The following RIPK3 variants were observed in gnomAD, a reference collection of about 807,000 sequenced individuals.
The protein encoded by RIPK3 is receptor-interacting serine/threonine-protein kinase 3.
Under a neutral mutation model 51.6 loss-of-function variants are expected in RIPK3, and 51 were observed. The observed-to-expected ratio is 0.99, with a 90% confidence interval of 0.79 to 1.25. The LOEUF (loss-of-function observed/expected upper bound fraction) is 1.25. Among genes scored for constraint, RIPK3 ranks in the 50% most tolerant of loss-of-function variants. The pLI is 0.00. For missense variants in RIPK3, 654 were observed against 650.4 expected (o/e 1.01, Z -0.06); for synonymous variants, 246 against 257.7 (o/e 0.95, Z 0.44).
chr14:24,339,114 C>G lies in RIPK3; in HGVS notation c.372G>C (p.Val124=). The G allele has an allele frequency of 1.2e-6, 2 of 1,614,176 alleles. No homozygotes were observed. Among genetic ancestry groups the G allele is most frequent in the East Asian group, 4.5e-5 (2 of 44,872 alleles). ...WPLLCRLLKE[V]VLGMFYLHDQ... ...CGTGCAGGTAAAACATCCCAAGCACCACTTCTTTCAGCAGGCGGCAAAGGA... is the reference window on the plus strand; with the variant it reads ...CGTGCAGGTAAAACATCCCAAGCACGACTTCTTTCAGCAGGCGGCAAAGGA... The change falls in exon 3 of 10, where the codon GTG becomes GTC. Residue 124 remains valine (V), a synonymous_variant. Coordinates refer to ENST00000216274, the MANE Select transcript of RIPK3 (RefSeq NM_006871.4). The surrounding 1 kb of genome is among the most constrained non-coding windows in gnomAD (Gnocchi z 4.0).
chr14:24,336,775 T>G (rs781771064), intron 9 of RIPK3, 110 bp downstream of exon 9: 1 of 1,029,580 alleles, frequency 9.7e-7, no homozygotes, highest in Admixed American at 1.7e-5. Flanking sequence ...TTGAGTTAGA[T>G]CATCTTCTCC....
intron 9 of RIPK3, 58 bp downstream of exon 9, chr14:24,336,827 G>T: frequency 7.0e-7 from 1 of 1,423,492 alleles, no homozygotes. Context: ...TATAGGTCTG[G>T]AGGAGGAGTC....
chr14:24,338,857 A>T, intron 3 of RIPK3, 158 bp downstream of exon 3: 1 of 697,048 alleles, frequency 1.4e-6, no homozygotes, highest in South Asian at 1.9e-5. Flanking sequence ...AGGAGCTAAA[A>T]CTCCTGGCTG....
Position 24,339,021 on chromosome 14 carries a change from G to A in RIPK3, c.465C>T (p.His155=), listed in dbSNP as rs2042162601. The part of the protein sequence containing the change: ...PSNVLLDPEL[H]VKLADFGLST... ...GGGGTGTAGACCAGCTGACCTTGAC[G>A]TGCAGCTCTGGGTCCAGCAGGACGT... Residue 155 remains histidine (H), a synonymous_variant, in exon 3 of 10, where the codon CAC becomes CAT. Coordinates refer to ENST00000216274, the MANE Select transcript of RIPK3 (RefSeq NM_006871.4). This position sits in a 1 kb window ranked among gnomAD's most constrained non-coding sequence, Gnocchi z 4.0. 2 of 1,613,632 alleles carry A rather than the reference G, an allele frequency of 1.2e-6. No homozygotes were observed. The highest frequency in any genetic ancestry group is 1.3e-5 in the African/African-American group (1 of 75,056).
At chr14:24,338,896 A>G (rs533365475) in intron 3 of RIPK3, 119 bp downstream of exon 3, 11 of 846,448 alleles carry the variant, frequency 1.3e-5, no homozygotes, top group African/African-American at 1.2e-4. Context: ...CCCTGTGTCC[A>G]GAGAGAGAGG....
chr14:24,338,643 A>C, intron 3 of RIPK3, 76 bp from the exon 4 acceptor site: 1 of 1,525,360 alleles, frequency 6.6e-7, no homozygotes, highest in Non-Finnish European at 8.8e-7. Context: ...CCCTGCCCCC[A>C]GAAGGTGCAG....
At position 24,338,530 on chromosome 14, in the gene RIPK3, G is replaced by A. The variant is rs2042158615; in HGVS notation, c.509C>T (p.Ser170Leu). The part of the protein sequence containing the change: ...DFGLSTFQGG[S>L]QSGTGSGEPG... ...CTCCCCGGACCCTGTCCCTGACTGT[G>A]AGCCTCCCTGAAATGTGGACAGGCC... is the stretch of plus-strand genomic sequence containing the variant. Residue 170 changes from serine (S) to leucine (L), a missense_variant, in exon 4 of 10, where the codon TCA becomes TTA. Ser to Leu is a moderately radical substitution (Grantham distance 145). Coordinates refer to ENST00000216274, the MANE Select transcript of RIPK3 (RefSeq NM_006871.4). The A allele has an allele frequency of 8.1e-6, 13 of 1,611,296 alleles. No individual in the cohort carries two copies. The highest frequency in any genetic ancestry group is 1.1e-5 in the South Asian group (1 of 91,028).
chr14:24,336,720 C>T (rs968102981), intron 9 of RIPK3, 165 bp downstream of exon 9: 11 of 770,964 alleles, frequency 1.4e-5, no homozygotes, highest in Non-Finnish European at 2.2e-5. Context: ...TCAGAGGGCT[C>T]CTTTCTCAGG....
Position 24,338,416 on chromosome 14 carries a change from C to A in RIPK3, c.617+6G>T, listed in dbSNP as rs2042157274. On this transcript the variant is annotated splice_donor_region_variant and intron_variant, in intron 4 of 9. Coordinates refer to ENST00000216274, the MANE Select transcript of RIPK3 (RefSeq NM_006871.4). The stretch of plus-strand genomic sequence containing the variant: ...CCTGGCTGTGTGTTTGGGCCGGGAT[C>A]CTTACCTGTAGACGTCACTGGCTGT... The A allele has an allele frequency of 2.5e-6, 4 of 1,608,790 alleles. No individual in the cohort carries two copies. Among genetic ancestry groups the A allele is most frequent in the African/African-American group, 2.7e-5 (2 of 74,818 alleles).
At chr14:24,338,604 C>A (rs755631900) in intron 3 of RIPK3, 37 bp from the exon 4 acceptor site, 1 of 1,574,030 alleles carries the variant, frequency 6.4e-7, no homozygotes, top group Non-Finnish European at 8.7e-7. Context: ...GTAGGGAAGA[C>A]AAGGGGGCCA....
chr14:24,338,135 G>C (rs908274636), intron 5 of RIPK3, 95 bp from the exon 6 acceptor site: 1 of 1,589,870 alleles, frequency 6.3e-7, no homozygotes, highest in African/African-American at 1.3e-5. Flanking sequence ...GTAATGTGGG[G>C]GCACGAGGAG....
At chr14:24,336,453 G>T (rs2042135899) in intron 9 of RIPK3, 58 bp from the exon 10 acceptor site, 1 of 1,578,086 alleles carries the variant, frequency 6.3e-7, no homozygotes, top group East Asian at 2.2e-5. Flanking sequence ...GGCCAAGTTG[G>T]GGGTGGGTGG....
rs781571121 is a variant in RIPK3, at chr14:24,337,686, G to T, written c.900+9C>A. The T allele has an allele frequency of 3.1e-6, 5 of 1,600,796 alleles. No homozygotes were observed. Among genetic ancestry groups the T allele is most frequent in the Non-Finnish European group, 3.4e-6 (4 of 1,168,232 alleles). On this transcript the variant is annotated intron_variant, in intron 7 of 9. Coordinates refer to ENST00000216274, the MANE Select transcript of RIPK3 (RefSeq NM_006871.4). ...CCAGCTCCTGGGGAGGGGTGATGTT[G>T]GCACTCACCGTGGAGACAGCAGCAT...
rs754629356 is a variant in RIPK3, at chr14:24,338,507, C to G, written c.532G>C (p.Glu178Gln). The G allele has an allele frequency of 4.3e-6, 7 of 1,613,590 alleles. No homozygotes were observed. In the South Asian group the frequency reaches 5.5e-5, roughly 13 times the overall value. The change falls in exon 4 of 10, where the codon GAG (glutamate) becomes CAG (glutamine). Residue 178 changes from glutamate (E) to glutamine (Q), a missense_variant. Coordinates refer to ENST00000216274, the MANE Select transcript of RIPK3 (RefSeq NM_006871.4). Reference protein sequence around the residue: ...GGSQSGTGSGEPGGTLGYLAP... With the variant: ...GGSQSGTGSGQPGGTLGYLAP... The stretch of plus-strand genomic sequence containing the variant: ...AAGTAGCCCAGGGTGCCCCCTGGCT[C>G]CCCGGACCCTGTCCCTGACTGTGAG...
chr14:24,338,207 G>T (rs1295492065), intron 5 of RIPK3, 42 bp downstream of exon 5: 2 of 1,532,348 alleles, frequency 1.3e-6, no homozygotes, highest in South Asian at 2.6e-5. Flanking sequence ...CAAGAGAAGG[G>T]CACCTGGGGT....
chr14:24,339,668 C>T lies in RIPK3; in HGVS notation c.21-71G>A, dbSNP rs1051088392. On this transcript the variant is annotated intron_variant, in intron 1 of 9. Coordinates refer to ENST00000216274, the MANE Select transcript of RIPK3 (RefSeq NM_006871.4). This position sits in a 1 kb window ranked among gnomAD's most constrained non-coding sequence, Gnocchi z 4.0. ...CGCTGCTCCCCGCGCCCCTGTGACT[C>T]GGCGTTCTCACTGCAATCCCCAGCC... The T allele has an allele frequency of 4.1e-5, 65 of 1,603,318 alleles. No homozygotes were observed. The highest frequency in any genetic ancestry group is 6.7e-5 in the African/African-American group (5 of 74,756).
rs201484127 is a variant in RIPK3 at position 24,336,208 on chromosome 14, C to T, written c.1524G>A (p.Arg508=). The T allele has an allele frequency of 1.2e-6, 2 of 1,613,982 alleles. No individual in the cohort carries two copies. The highest frequency in any genetic ancestry group is 8.5e-7 in the Non-Finnish European group (1 of 1,179,982). Residue 508 remains arginine (R), a synonymous_variant, in exon 10 of 10, where the codon AGG becomes AGA. Coordinates refer to ENST00000216274, the MANE Select transcript of RIPK3 (RefSeq NM_006871.4). ...CGCTATGATTATACCAACCCTGTGG[C>T]CTGCTCCAGGCTTCAGGATCTTTAG... ...EGPKDPEAWS[R]PQGWYNHSGK
rs996941995 is a variant in RIPK3 at position 24,338,047 on chromosome 14, T to C, written c.665-7A>G. On this transcript the variant is annotated splice_region_variant and splice_polypyrimidine_tract_variant and intron_variant, in intron 5 of 9. Transcript: ENST00000216274. ...AGTGATGGTTCGGTTGGCACTGGAG[T>C]AGGGGAGGAGGGTGAGAAGAGAAGG... 1.3e-5 allele frequency: 21 copies of C among 1,613,524 alleles called. No homozygotes were observed. Among genetic ancestry groups the C allele is most frequent in the Non-Finnish European group, 1.8e-5 (21 of 1,179,908 alleles).
Position 24,337,242 on chromosome 14 carries a change from C to G in RIPK3, c.1119G>C (p.Arg373Ser), listed in dbSNP as rs770265565. 3 of 1,614,008 alleles carry G rather than the reference C, an allele frequency of 1.9e-6. No individual in the cohort carries two copies. The highest frequency in any genetic ancestry group is 1.7e-5 in the Admixed American group (1 of 60,014). The change falls in exon 8 of 10, where the codon AGG becomes AGC. Residue 373 changes from arginine to serine, a missense_variant. Coordinates refer to ENST00000216274, the MANE Select transcript of RIPK3 (RefSeq NM_006871.4). ...KKCPSLTKRS[R>S]AQEEQVPQAW... is the part of the protein sequence containing the mutation. Reference sequence around the variant, plus strand: ...CTTGTGGAACCTGCTCCTCTTGTGCCCTGCTCCTCTTGGTAAGGCTCGGGC... The same window carrying G: ...CTTGTGGAACCTGCTCCTCTTGTGCGCTGCTCCTCTTGGTAAGGCTCGGGC...
Sources: gnomAD v4.1 joint callset for allele counts on GRCh38, gnomAD v4.1.1 for gene constraint, Gnocchi (gnomAD v3.1) non-coding constraint, MANE v1.5 for transcripts, NCBI Gene and HGNC (gene_info 2026-07-23, HGNC 2026-07-21) for gene names.